CCDC43: variants seen among roughly 807,000 people sequenced by gnomAD.
CCDC43 encodes coiled-coil domain containing 43.
A neutral mutation model predicts 33.3 loss-of-function variants in CCDC43; 20 were observed. The observed-to-expected ratio is 0.60, with a 90% CI of 0.42 to 0.87. CCDC43 has a LOEUF of 0.87. Among genes scored for constraint, CCDC43 ranks in the 40% least tolerant of loss-of-function variants. The pLI is 0.00. For missense variants in CCDC43, 248 were observed against 269.9 expected, an observed-to-expected ratio of 0.92 and a Z score of 0.57; for synonymous variants, 104 against 106.5, an observed-to-expected ratio of 0.98 and a Z score of 0.14.
At chr17:44,683,266 G>A (rs938266903) in intron 2 of CCDC43, among the ~76,000 whole-genome samples, 2 of 152,170 alleles carry the variant, frequency 1.3e-5, no homozygotes, top group Admixed American at 1.3e-4. Context: ...TGTAGCTCAT[G>A]CCTGTAATCC....
At chr17:44,681,354 C>T (rs974308935) in intron 3 of CCDC43, among the ~76,000 whole-genome samples, 9 of 152,270 alleles carry the variant, frequency 5.9e-5, no homozygotes, top group African/African-American at 2.2e-4. Context: ...AGGAGAATGG[C>T]TTGAACCCGG....
At chr17:44,689,390 G>A (rs1471716358) in intron 1 of CCDC43, 160 bp downstream of exon 1, 3 of 1,069,796 alleles carry the variant, frequency 2.8e-6, no homozygotes, top group South Asian at 1.7e-5. Flanking sequence ...TGGTTGGGGA[G>A]CAACCTCCTT....
intron 4 of CCDC43, among the ~76,000 whole-genome samples, chr17:44,679,637 G>A (rs1226287559): frequency 1.3e-5 from 2 of 152,208 alleles, no homozygotes; most frequent in Non-Finnish European, 2.9e-5. Flanking sequence ...GCTCATGCCT[G>A]TAATCCCAGC....
At position 44,681,119 on chromosome 17, in the gene CCDC43, C is replaced by G. The variant is rs148029689; in HGVS notation, c.429-476G>C. 6.0e-3 allele frequency among the ~76,000 whole-genome samples: 913 copies of G among 152,100 alleles called. 10 individuals carry two copies. The highest frequency in any genetic ancestry group is 0.021 in the African/African-American group (861 of 41,510). ...TCACCGGAACCATAGCTCTGCCAAC[C>G]CTGGCAAGAAAACTCGTAAAAAAAA... On this transcript the variant is annotated intron_variant, in intron 3 of 4. Coordinates refer to ENST00000315286, the MANE Select transcript of CCDC43 (RefSeq NM_144609.3).
chr17:44,683,606 A>G (rs1008846032), intron 2 of CCDC43, among the ~76,000 whole-genome samples: 4 of 152,220 alleles, frequency 2.6e-5, no homozygotes, highest in Non-Finnish European at 4.4e-5. Flanking sequence ...CAAATCTACA[A>G]GAAGCAGTGG....
chr17:44,686,835 C>A (rs1298358652), intron 1 of CCDC43, among the ~76,000 whole-genome samples: 1 of 152,132 alleles, frequency 6.6e-6, no homozygotes, highest in African/African-American at 2.4e-5. Context: ...TACGGTAATC[C>A]ATCAATAAAA....
intron 1 of CCDC43, 81 bp downstream of exon 1, chr17:44,689,469 G>A (rs1972290094): frequency 1.9e-6 from 3 of 1,576,082 alleles, no homozygotes; most frequent in Non-Finnish European, 1.7e-6. Flanking sequence ...TGGGATACCC[G>A]GTAGGGGAGG....
Position 44,678,153 on chromosome 17 carries a change from G to A in CCDC43, c.*703C>T, listed in dbSNP as rs569469008. 4.6e-5 allele frequency: 7 copies of A among 152,532 alleles called. No individual in the cohort carries two copies. In the East Asian group the frequency reaches 7.7e-4, roughly 17 times the overall value. 9.4% of individuals were successfully genotyped at this position (152,532 alleles called of 1,614,324 possible). On this transcript the variant is annotated 3_prime_UTR_variant, in exon 5 of 5. Transcript: ENST00000315286. Reference sequence around the variant, plus strand: ...TTAAAATCTCTACCAGCACACAAGAGGATACATGATTATACAAAATGAATC... The same window carrying A: ...TTAAAATCTCTACCAGCACACAAGAAGATACATGATTATACAAAATGAATC...
Position 44,678,871 on chromosome 17 carries a change from C to T in CCDC43, c.660G>A (p.Gly220=), listed in dbSNP as rs1173151605. Residue 220 remains glycine (G), a synonymous_variant, in exon 5 of 5, where the codon GGG becomes GGA. Transcript: ENST00000315286. ...KEKEKKRTQR[G]ERKR is the part of the protein sequence containing the mutation. ...TAGGCCAAGGTTATCGCTTTCGCTC[C>T]CCTCTCTGTGTCCTTTTTTTTTCCT... is the stretch of plus-strand genomic sequence containing the variant. 6.2e-7 allele frequency: 1 copy of T among 1,613,302 alleles called. No individual in the cohort carries two copies. Among genetic ancestry groups the T allele is most frequent in the African/African-American group, 1.3e-5 (1 of 74,876 alleles).
At chr17:44,682,262 A>C in intron 2 of CCDC43, 124 bp from the exon 3 acceptor site, 1 of 1,153,874 alleles carries the variant, frequency 8.7e-7, no homozygotes, top group Non-Finnish European at 1.2e-6. Flanking sequence ...AGAGCCTGGC[A>C]GTTCAAAGGA....
At chr17:44,684,032 T>A in intron 1 of CCDC43, 73 bp from the exon 2 acceptor site, 1 of 943,336 alleles carries the variant, frequency 1.1e-6, no homozygotes, top group Non-Finnish European at 1.7e-6. Context: ...AAAAAGCCTA[T>A]GAAGAAAGCA....
rs1328109313 is a variant in CCDC43 at position 44,689,730 on chromosome 17, G to A, written c.24C>T (p.Ala8=). Residue 8 remains alanine (A), a synonymous_variant, in exon 1 of 5, where the codon GCC becomes GCT. Coordinates refer to ENST00000315286, the MANE Select transcript of CCDC43 (RefSeq NM_144609.3). MAAPSEV[A]AIAPGEGDGG... ...CATCGCCTTCGCCAGGGGCTATCGCGGCCACTTCGCTGGGCGCCGCCATCT... is the reference window on the plus strand; with the variant it reads ...CATCGCCTTCGCCAGGGGCTATCGCAGCCACTTCGCTGGGCGCCGCCATCT... 5.7e-6 allele frequency: 9 copies of A among 1,576,530 alleles called. No individual in the cohort carries two copies. The highest frequency in any genetic ancestry group is 1.7e-4 in the Middle Eastern group (1 of 5,950).
chr17:44,682,203 C>T (rs1220141783), intron 2 of CCDC43, 65 bp from the exon 3 acceptor site: 1 of 1,592,720 alleles, frequency 6.3e-7, no homozygotes, highest in Admixed American at 1.7e-5. Flanking sequence ...AACCACTAGT[C>T]CACATAGGCA....
chr17:44,686,103 C>T (rs543530484), intron 1 of CCDC43, among the ~76,000 whole-genome samples: 2 of 152,198 alleles, frequency 1.3e-5, no homozygotes, highest in South Asian at 2.1e-4. Context: ...TTAGTAGAGA[C>T]GGGGTTTCAC....
intron 1 of CCDC43, chr17:44,688,286 G>C (rs370015679): frequency 6.6e-6 from 1 of 152,148 alleles, no homozygotes; most frequent in African/African-American, 2.4e-5. Context: ...GAGTAGCTGG[G>C]ACTACAGGTA....
rs1217204762 is a variant in CCDC43, at chr17:44,687,341, G to A, written c.204+2209C>T. 3.3e-5 allele frequency among the ~76,000 whole-genome samples: 5 copies of A among 152,116 alleles called. No individual in the cohort carries two copies. In the South Asian group the frequency reaches 8.3e-4, roughly 25 times the overall value. On this transcript the variant is annotated intron_variant, in intron 1 of 4. Transcript: ENST00000315286. ...GCCTGTAATCCCAGCTACTCGGGAG[G>A]CTGAGAATCACCTGAACCCAGGAGG...
chr17:44,687,048 G>A (rs1417038951), intron 1 of CCDC43, among the ~76,000 whole-genome samples: 1 of 152,108 alleles, frequency 6.6e-6, no homozygotes, highest in East Asian at 1.9e-4. Flanking sequence ...CAGCACTTTG[G>A]GAGGCCAAGG....
At chr17:44,684,315 T>C (rs1468269591) in intron 1 of CCDC43, among the ~76,000 whole-genome samples, 2 of 152,238 alleles carry the variant, frequency 1.3e-5, no homozygotes, top group East Asian at 3.8e-4. Context: ...TACCCTGTGA[T>C]GTCTCAATAT....
intron 2 of CCDC43, 127 bp from the exon 3 acceptor site, chr17:44,682,265 T>TC (rs559085331): frequency 9.0e-7 from 1 of 1,115,768 alleles, no homozygotes; most frequent in South Asian, 1.5e-5. Context: ...GCCTGGCAGT[T>TC]CAAAGGACAT....
Sources: gnomAD v4.1 joint callset for allele counts (sites outside exome capture counted in the v4.1 genomes callset) on GRCh38, gnomAD v4.1.1 for gene constraint, MANE v1.5 for transcripts, NCBI Gene and HGNC (gene_info 2026-07-23, HGNC 2026-07-21) for gene names.